Variants in WDR33 observed in about 807,000 individuals in gnomAD.
WDR33 encodes the protein WD repeat domain 33, also known as pre-mRNA 3' end processing protein WDR33.
Under a neutral mutation model 164.9 loss-of-function variants are expected in WDR33, and 47 were observed. The ratio of observed to expected loss-of-function variants is 0.29; its 90% CI spans 0.23 to 0.36. The LOEUF is 0.36. WDR33 is among the 10% of genes least tolerant of loss of function. WDR33 has a pLI of 1.00. For synonymous variants in WDR33, 505 were observed against 589.0 expected, an observed-to-expected ratio of 0.86 and a Z score of 2.06; for missense variants, 1,137 against 1,754.1, an observed-to-expected ratio of 0.65 and a Z score of 6.28.
chr2:127,791,359 C>T (rs1306862457), intron 1 of WDR33, among the ~76,000 whole-genome samples: 1 of 152,040 alleles, frequency 6.6e-6, no homozygotes, highest in Non-Finnish European at 1.5e-5. Flanking sequence ...ATGTATTAGT[C>T]TGCTTGGCTG....
rs1271649976 is a variant in WDR33 at position 127,706,230 on chromosome 2, A to C, written c.*93T>G. ...TGCCCAGAAAAGAGTTCAGGGCTAC[A>C]ATGGTGCAGGCTTCCTTTTGTTTCT... On this transcript the variant is annotated 3_prime_UTR_variant, in exon 22 of 22. Coordinates refer to ENST00000322313, the MANE Select transcript of WDR33 (RefSeq NM_018383.5). The surrounding 1 kb of genome is among the most constrained non-coding windows in gnomAD (Gnocchi z 5.1). The C allele has an allele frequency of 1.4e-5, 17 of 1,224,486 alleles. No individual in the cohort carries two copies. Among genetic ancestry groups the C allele is most frequent in the Non-Finnish European group, 1.9e-5 (17 of 903,602 alleles). The allele number at this position is 1,224,486 out of a possible 1,614,324, so 75.9% of individuals were successfully genotyped here.
chr2:127,766,714 C>A (rs553718121), intron 4 of WDR33, among the ~76,000 whole-genome samples: 1 of 151,336 alleles, frequency 6.6e-6, no homozygotes, highest in Non-Finnish European at 1.5e-5. Context: ...TAACCAAATT[C>A]CCTGATTAAA....
chr2:127,750,670 AAAAAAAAATATATATAT>A, intron 7 of WDR33, among the ~76,000 whole-genome samples: 4 of 70,668 alleles, frequency 5.7e-5, no homozygotes, highest in African/African-American at 3.0e-4. Flanking sequence ...AAAAAAAAAA[AAAAAAAAATATATATAT>A]ATATATATAT....
chr2:127,768,380 T>C lies in WDR33; in HGVS notation c.274-87A>G, dbSNP rs993714561. The C allele has an allele frequency of 2.9e-5, 21 of 725,076 alleles. No individual in the cohort carries two copies. In the Admixed American group the frequency reaches 7.0e-4, roughly 24 times the overall value. 44.9% of individuals were successfully genotyped at this position (725,076 alleles called of 1,614,324 possible). A position where few individuals can be genotyped will look rare whatever the true frequency, so the allele number is the denominator to read the frequency against. On this transcript the variant is annotated intron_variant, in intron 3 of 21. Transcript: ENST00000322313. ...ACACGGCAAGGTAATTATTTCAACA[T>C]TTAAAGACAAATTTGGGACCATATA...
Position 127,702,109 on chromosome 2 carries a change from C to T in WDR33, c.*4214G>A, listed in dbSNP as rs2105364317. 3 of 1,216,210 alleles carry T rather than the reference C, an allele frequency of 2.5e-6. No individual in the cohort carries two copies. Among genetic ancestry groups the T allele is most frequent in the South Asian group, 4.0e-5 (1 of 24,992 alleles). The allele number at this position is 1,216,210 out of a possible 1,614,324, so 75.3% of individuals were successfully genotyped here. ...GGGCTGCTGCCCTGGGGCGGCGGCA[C>T]CGCGCTGCGCCTCGCACTGGGTCGC... On this transcript the variant is annotated 3_prime_UTR_variant, in exon 22 of 22. Transcript: ENST00000322313.
intron 1 of WDR33, among the ~76,000 whole-genome samples, chr2:127,776,720 C>G (rs1688194669): frequency 6.6e-6 from 1 of 152,070 alleles, no homozygotes; most frequent in South Asian, 2.1e-4. Context: ...AATATTTGAG[C>G]AAAAATGATA....
chr2:127,806,759 A>G (rs975331194), intron 1 of WDR33, among the ~76,000 whole-genome samples: 5 of 129,848 alleles, frequency 3.9e-5, no homozygotes, highest in Admixed American at 3.8e-4. Context: ...TAATGATTTT[A>G]TATGTTTTCA....
In WDR33 at chr2:127,706,842, C is replaced by G. The variant is rs537309633; in HGVS notation, c.3782-290G>C. Reference sequence around the variant, plus strand: ...TGAGCAAGGAGCACCTTCAGGGAGACCCGGGCCACACTGGGCCATGTCCCA... The same window carrying G: ...TGAGCAAGGAGCACCTTCAGGGAGAGCCGGGCCACACTGGGCCATGTCCCA... On this transcript the variant is annotated intron_variant, in intron 21 of 21. Coordinates refer to ENST00000322313, the MANE Select transcript of WDR33 (RefSeq NM_018383.5). The surrounding 1 kb of genome is among the most constrained non-coding windows in gnomAD (Gnocchi z 5.1). Among the ~76,000 whole-genome samples the G allele has an allele frequency of 2.6e-5, 4 of 152,332 alleles. No individual in the cohort carries two copies. The East Asian group carries it at 7.7e-4, about 29-fold the overall frequency.
rs779143958 is a variant in WDR33 at position 127,763,868 on chromosome 2, T to G, written c.627-709A>C. 27 of 985,520 alleles carry G rather than the reference T, an allele frequency of 2.7e-5. No individual in the cohort carries two copies. The highest frequency in any genetic ancestry group is 3.3e-5 in the Non-Finnish European group (27 of 830,092). The allele number at this position is 985,520 out of a possible 1,614,324, so 61.0% of individuals were successfully genotyped here. On this transcript the variant is annotated intron_variant, in intron 6 of 21. Transcript: ENST00000322313. This position sits in a 1 kb window ranked among gnomAD's most constrained non-coding sequence, Gnocchi z 4.5. Reference sequence around the variant, plus strand: ...AAAACTCCCTTGAACTTTGGAATCCTATGAAGGACCAGCTGTGTAAACTCA... The same window carrying G: ...AAAACTCCCTTGAACTTTGGAATCCGATGAAGGACCAGCTGTGTAAACTCA...
intron 1 of WDR33, among the ~76,000 whole-genome samples, chr2:127,796,711 A>C (rs1048478516): frequency 6.6e-6 from 1 of 151,858 alleles, no homozygotes; most frequent in African/African-American, 2.4e-5. Context: ...TATGTACACT[A>C]TCTTCATGTC....
rs377471350 is a variant in WDR33 at position 127,708,823 on chromosome 2, G to C, written c.3635C>G (p.Ala1212Gly). ...GAGAGAAGAGGAGCGTTCTCTGCTG[G>C]CTGGGGAATGACCGTCGTGAGGGGG... ...DHPPHDGHSP[A>G]SRERSSSLQG... The change falls in exon 21 of 22, where the codon GCC becomes GGC. Residue 1212 changes from alanine to glycine, a missense_variant. Physicochemically the swap from Ala to Gly is moderately conservative, Grantham distance 60 (BLOSUM62 0). This residue lies in a region of WDR33 where 867 missense variants were observed against 1,073.0 expected (regional missense o/e 0.81). Transcript: ENST00000322313. The surrounding 1 kb of genome is among the most constrained non-coding windows in gnomAD (Gnocchi z 6.7). The C allele has an allele frequency of 8.7e-6, 14 of 1,612,616 alleles. No homozygotes were observed. Among genetic ancestry groups the C allele is most frequent in the Non-Finnish European group, 1.1e-5 (13 of 1,179,026 alleles).
rs1437765801 is a variant in WDR33, at chr2:127,705,325, G to GCC, written c.*996_*997dup. 2 of 162,150 alleles carry GCC rather than the reference G, an allele frequency of 1.2e-5. No individual in the cohort carries two copies. The highest frequency in any genetic ancestry group is 1.5e-5 in the Non-Finnish European group (1 of 68,070). The allele number at this position is 162,150 out of a possible 1,614,324, so 10.0% of individuals were successfully genotyped here. On this transcript the variant is annotated 3_prime_UTR_variant, in exon 22 of 22. Coordinates refer to ENST00000322313, the MANE Select transcript of WDR33 (RefSeq NM_018383.5). This position sits in a 1 kb window ranked among gnomAD's most constrained non-coding sequence, Gnocchi z 4.5. ...TATGTTTATTTTAAACAAGGAATTT[G>GCC]CCATGGACAAGATCTATCTGGCTTA...
chr2:127,732,977 C>CA (rs1174943855), intron 7 of WDR33, among the ~76,000 whole-genome samples: 1 of 152,064 alleles, frequency 6.6e-6, no homozygotes, highest in African/African-American at 2.4e-5. Context: ...TGTGATTCCC[C>CA]AAATGTGAAA....
chr2:127,707,405 G>A (rs1226765869), intron 21 of WDR33, among the ~76,000 whole-genome samples: 4 of 152,130 alleles, frequency 2.6e-5, no homozygotes, highest in Non-Finnish European at 5.9e-5. Flanking sequence ...ATCTAGCTGA[G>A]ATGAAGTTAG....
In WDR33 at chr2:127,709,422, G is replaced by T; in HGVS notation, c.3565+68C>A. 6.7e-7 allele frequency: 1 copy of T among 1,501,682 alleles called. No individual in the cohort carries two copies. The highest frequency in any genetic ancestry group is 9.3e-7 in the Non-Finnish European group (1 of 1,080,604). 93.0% of individuals were successfully genotyped at this position (1,501,682 alleles called of 1,614,324 possible). A position where few individuals can be genotyped will look rare whatever the true frequency, so the allele number is the denominator to read the frequency against. ...AAGAGGAGACCCGGTGCACCCCAGA[G>T]AGGGCCCTCAGAACTCACTTTGTGA... On this transcript the variant is annotated intron_variant, in intron 20 of 21. Transcript: ENST00000322313. This position sits in a 1 kb window ranked among gnomAD's most constrained non-coding sequence, Gnocchi z 5.0.
chr2:127,769,833 C>T (rs1687937927), intron 2 of WDR33, among the ~76,000 whole-genome samples: 1 of 152,174 alleles, frequency 6.6e-6, no homozygotes, highest in Non-Finnish European at 1.5e-5. Context: ...CAGACCTAAA[C>T]CCAATGAACC....
At chr2:127,785,865 G>A (rs898361489) in intron 1 of WDR33, among the ~76,000 whole-genome samples, 2 of 152,148 alleles carry the variant, frequency 1.3e-5, no homozygotes, top group Non-Finnish European at 2.9e-5. Flanking sequence ...CATGATAAGG[G>A]TATGCTTGGT....
At chr2:127,750,739 TGCATAC>T (rs1238195825) in intron 7 of WDR33, among the ~76,000 whole-genome samples, 2 of 62,040 alleles carry the variant, frequency 3.2e-5, no homozygotes, top group Non-Finnish European at 2.7e-5. Flanking sequence ...TATATATGTA[TGCATAC>T]ATATATATGT....
At position 127,708,656 on chromosome 2, in the gene WDR33, TA is replaced by T. The variant is rs761193004; in HGVS notation, c.3781+20del. ...TCGGCCCCTGCATCTCCTGGAACCA[TA>T]ACCACTGGCCTGCTCTTACCTTTGC... On this transcript the variant is annotated intron_variant, in intron 21 of 21. Transcript: ENST00000322313. This position sits in a 1 kb window ranked among gnomAD's most constrained non-coding sequence, Gnocchi z 6.7. 6 of 1,559,272 alleles carry T rather than the reference TA, an allele frequency of 3.8e-6. No homozygotes were observed. Among genetic ancestry groups the T allele is most frequent in the African/African-American group, 1.4e-5 (1 of 73,108 alleles).
Sources: gnomAD v4.1 joint callset for allele counts (sites outside exome capture counted in the v4.1 genomes callset) on GRCh38, gnomAD v4.1.1 for gene constraint, gnomAD v4.1.1 regional missense constraint, Gnocchi (gnomAD v3.1) non-coding constraint, MANE v1.5 for transcripts, NCBI Gene and HGNC (gene_info 2026-07-23, HGNC 2026-07-21) for gene names.